The following PRR16 variants were observed in gnomAD, a reference collection of about 807,000 sequenced individuals.
The protein encoded by PRR16 is protein Largen.
A neutral mutation model predicts 18.2 loss-of-function variants in PRR16; 6 were observed. The ratio of observed to expected loss-of-function variants is 0.33; its 90% CI spans 0.18 to 0.65. The LOEUF is 0.65. Among genes scored for constraint, PRR16 ranks in the 30% least tolerant of loss-of-function variants. The probability of loss-of-function intolerance (pLI) is 0.74; values close to 1 mark genes in which losing one functional copy is unlikely to be tolerated. For synonymous variants in PRR16, 151 were observed against 147.8 expected (o/e 1.02, Z -0.16); for missense variants, 412 against 376.6 (o/e 1.09, Z -0.78).
At chr5:120,482,648 C>G (rs566600375) in intron 1 of PRR16, among the ~76,000 whole-genome samples, 1 of 152,140 alleles carries the variant, frequency 6.6e-6, no homozygotes, top group East Asian at 1.9e-4. Flanking sequence ...ATATACCTGG[C>G]AATGGGATTG....
chr5:120,669,600 A>G (rs904247545), intron 1 of PRR16, among the ~76,000 whole-genome samples: 6 of 152,116 alleles, frequency 3.9e-5, no homozygotes, highest in African/African-American at 1.4e-4. Flanking sequence ...TCCACATACT[A>G]AAATTGAAAT....
the PRR16 span, among the ~76,000 whole-genome samples, chr5:120,748,828 G>A: frequency 6.6e-6 from 1 of 152,074 alleles, no homozygotes; most frequent in Admixed American, 6.6e-5. Context: ...AGAAGACCCA[G>A]GGACTATGAG....
chr5:120,750,830 T>C, the PRR16 span, among the ~76,000 whole-genome samples: 2 of 152,156 alleles, frequency 1.3e-5, no homozygotes. Flanking sequence ...CTAAGTCCAC[T>C]TCTCTAGTTA....
chr5:120,754,666 G>A, the PRR16 span, among the ~76,000 whole-genome samples: 1 of 132,140 alleles, frequency 7.6e-6, no homozygotes, highest in Non-Finnish European at 1.6e-5. Flanking sequence ...ATATTAAGCA[G>A]AATATTTTTA....
chr5:120,745,522 A>G, the PRR16 span, among the ~76,000 whole-genome samples: 144 of 152,142 alleles, frequency 9.5e-4, no homozygotes, highest in Admixed American at 3.4e-3. Flanking sequence ...AATTGCGTGA[A>G]GCATTCAGGG....
At chr5:120,538,867 T>C (rs1751815404) in intron 1 of PRR16, among the ~76,000 whole-genome samples, 1 of 152,220 alleles carries the variant, frequency 6.6e-6, no homozygotes, top group Non-Finnish European at 1.5e-5. Flanking sequence ...TGCTTAGGGC[T>C]ACTGCTGGGA....
intron 1 of PRR16, among the ~76,000 whole-genome samples, chr5:120,560,379 G>T (rs1248187476): frequency 6.6e-6 from 1 of 151,674 alleles, no homozygotes; most frequent in Non-Finnish European, 1.5e-5. Flanking sequence ...GTTTTTTTCA[G>T]CATCAATTGA....
chr5:120,676,570 T>C (rs943663279), intron 1 of PRR16, among the ~76,000 whole-genome samples: 10 of 151,656 alleles, frequency 6.6e-5, no homozygotes, highest in East Asian at 3.9e-4. Flanking sequence ...ATGTATGCTT[T>C]TTCAAATATA....
intron 1 of PRR16, among the ~76,000 whole-genome samples, chr5:120,508,901 A>C (rs1750731089): frequency 6.6e-6 from 1 of 152,144 alleles, no homozygotes; most frequent in Admixed American, 6.6e-5. Context: ...CATTGTCTGA[A>C]AATAAATATT....
the PRR16 span, among the ~76,000 whole-genome samples, chr5:120,694,837 A>T: frequency 6.6e-6 from 1 of 152,242 alleles, no homozygotes; most frequent in African/African-American, 2.4e-5. Flanking sequence ...AAAGTCTAAT[A>T]CACTAGTCAT....
At chr5:120,765,887 G>T in the PRR16 span, among the ~76,000 whole-genome samples, 1 of 151,840 alleles carries the variant, frequency 6.6e-6, no homozygotes. Context: ...AACTTATTTT[G>T]AGTGATCCTG....
chr5:120,542,989 G>C (rs1167779114), intron 1 of PRR16, among the ~76,000 whole-genome samples: 1 of 152,118 alleles, frequency 6.6e-6, no homozygotes, highest in African/African-American at 2.4e-5. Context: ...AAGATTCTAA[G>C]TTTTAGAATA....
At chr5:120,706,335 C>T in the PRR16 span, among the ~76,000 whole-genome samples, 1 of 8,276 alleles carries the variant, frequency 1.2e-4, no homozygotes. Flanking sequence ...GACTTGGGGA[C>T]ATATTTTCAC....
chr5:120,655,490 A>C (rs1438412333), intron 1 of PRR16, among the ~76,000 whole-genome samples: 1 of 151,770 alleles, frequency 6.6e-6, no homozygotes, highest in African/African-American at 2.4e-5. Flanking sequence ...GCATTTGTAC[A>C]AACAAGTAAA....
intron 1 of PRR16, among the ~76,000 whole-genome samples, chr5:120,652,801 A>C (rs1189316604): frequency 6.6e-6 from 1 of 151,936 alleles, no homozygotes; most frequent in East Asian, 1.9e-4. Context: ...TATGGGCATT[A>C]GATAATAATA....
At chr5:120,544,390 T>C (rs1237496011) in intron 1 of PRR16, among the ~76,000 whole-genome samples, 2 of 152,176 alleles carry the variant, frequency 1.3e-5, no homozygotes, top group Non-Finnish European at 2.9e-5. Context: ...ACCCATCCTT[T>C]GTATGCTAGT....
chr5:120,699,460 T>C, the PRR16 span, among the ~76,000 whole-genome samples: 1 of 152,046 alleles, frequency 6.6e-6, no homozygotes, highest in East Asian at 1.9e-4. Flanking sequence ...AGTAATAATG[T>C]GGGAGGCCGG....
chr5:120,570,584 G>T lies in PRR16; in HGVS notation c.159+105939G>T, dbSNP rs146422077. On this transcript the variant is annotated intron_variant, in intron 1 of 1. Coordinates refer to ENST00000407149, the MANE Select transcript of PRR16 (RefSeq NM_001300783.2). ...AAGTAAAATTCTCATACATAATACAGTAGAAGACATATACAATAGTATTTA... is the reference window on the plus strand; with the variant it reads ...AAGTAAAATTCTCATACATAATACATTAGAAGACATATACAATAGTATTTA... 1.1e-4 allele frequency among the ~76,000 whole-genome samples: 16 copies of T among 152,230 alleles called. No homozygotes were observed. The East Asian group carries it at 2.9e-3, about 28-fold the overall frequency.
chr5:120,636,040 A>AAATG (rs1164838003), intron 1 of PRR16, among the ~76,000 whole-genome samples: 1 of 151,858 alleles, frequency 6.6e-6, no homozygotes, highest in East Asian at 1.9e-4. Context: ...ATAAATAAAT[A>AAATG]AATAAAATAC....
Sources: allele counts gnomAD v4.1 joint callset (sites outside exome capture counted in the v4.1 genomes callset), GRCh38; gene constraint gnomAD v4.1.1; transcripts MANE v1.5; gene names NCBI Gene and HGNC (gene_info 2026-07-23, HGNC 2026-07-21).